ZNF600: variants seen among roughly 807,000 people sequenced by gnomAD.
ZNF600 encodes zinc finger protein 600.
ZNF600 carries 4 observed loss-of-function variants against 7.3 expected under a neutral mutation model. That is an observed-to-expected ratio of 0.55 (90% confidence interval 0.27 to 1.25). The LOEUF is 1.25. Ranked by LOEUF, ZNF600 falls within the 50% of genes most tolerant of loss-of-function variation. ZNF600 has a pLI of 0.12. For synonymous variants in ZNF600, 290 were observed against 308.9 expected (o/e 0.94, Z 0.64); for missense variants, 911 against 922.1 (o/e 0.99, Z 0.16).
the ZNF600 span, among the ~76,000 whole-genome samples, chr19:52,793,764 CCACACACACACACACACA>C: frequency 5.5e-3 from 764 of 138,828 alleles, 7 homozygotes; most frequent in African/African-American, 0.016. Context: ...CCAAACTCTG[CCACACACACACACACACA>C]CACACACACA....
chr19:52,810,320 T>G, the ZNF600 span: 1 of 1,595,914 alleles, frequency 6.3e-7, no homozygotes, highest in African/African-American at 1.3e-5. Flanking sequence ...CCATCAATGC[T>G]GGCAATGTGG....
upstream of ZNF600, among the ~76,000 whole-genome samples, chr19:52,786,946 T>G (rs2062769759): frequency 1.3e-5 from 2 of 152,214 alleles, no homozygotes; most frequent in South Asian, 4.1e-4. Flanking sequence ...TTCGAGTTTT[T>G]GGAGGCGACA....
the ZNF600 span, among the ~76,000 whole-genome samples, chr19:52,792,853 C>T: frequency 2.2e-4 from 34 of 152,128 alleles, 1 homozygote; most frequent in South Asian, 5.8e-3. Context: ...CTGCCTCAGC[C>T]TCCCGAGTAG....
At chr19:52,800,187 C>T in the ZNF600 span, 8 of 1,613,476 alleles carry the variant, frequency 5.0e-6, no homozygotes, top group East Asian at 2.2e-5. Context: ...ACATTCTTCA[C>T]ATTTGTACGG....
At chr19:52,767,517 T>C (rs1401166611) in exon 4 of ZNF600, 2 of 1,614,064 alleles carry the variant, frequency 1.2e-6, no homozygotes, top group African/African-American at 1.3e-5. Context: ...AATAGGCTTG[T>C]TTCCAGCATG....
At chr19:52,785,956 C>A (rs1420379041) in intron 1 of ZNF600, among the ~76,000 whole-genome samples, 1 of 152,124 alleles carries the variant, frequency 6.6e-6, no homozygotes, top group Admixed American at 6.6e-5. Flanking sequence ...TGTCTCTTGG[C>A]AAATTCCTAA....
the ZNF600 span, chr19:52,817,950 A>T: frequency 1.2e-6 from 2 of 1,610,876 alleles, no homozygotes; most frequent in South Asian, 1.1e-5. Context: ...TCACCTGAGG[A>T]AGAGCCATCC....
Position 52,782,780 on chromosome 19 carries a change from A to G in ZNF600, c.-20+3815T>C, listed in dbSNP as rs371941084. Reference sequence around the variant, plus strand: ...AATCCCAGCTGCTCGGGAGGCTGAGACAGAGCACTGCTTGAACCCGAGAGC... The same window carrying G: ...AATCCCAGCTGCTCGGGAGGCTGAGGCAGAGCACTGCTTGAACCCGAGAGC... On this transcript the variant is annotated intron_variant, in intron 1 of 3. Coordinates refer to ENST00000648973, the Ensembl canonical transcript of ZNF600. 3.0e-4 allele frequency among the ~76,000 whole-genome samples: 46 copies of G among 152,066 alleles called. No homozygotes were observed. The East Asian group carries it at 5.6e-3, about 19-fold the overall frequency.
chr19:52,809,173 A>T, the ZNF600 span, among the ~76,000 whole-genome samples: 5 of 152,312 alleles, frequency 3.3e-5, no homozygotes, highest in East Asian at 5.8e-4. Context: ...GATCTAAGAA[A>T]ATGGAAATGC....
chr19:52,817,420 T>C, the ZNF600 span, among the ~76,000 whole-genome samples: 22 of 152,276 alleles, frequency 1.4e-4, no homozygotes, highest in South Asian at 1.5e-3. Context: ...TATTCATCTA[T>C]GTATGAACAT....
At chr19:52,786,715 G>A in exon 1 of ZNF600, 3 of 358,334 alleles carry the variant, frequency 8.4e-6, no homozygotes, top group Non-Finnish European at 1.8e-5. Context: ...TTAATCCAAG[G>A]CAGAGCAAAA....
the ZNF600 span, chr19:52,801,314 G>C: frequency 1.2e-6 from 2 of 1,614,060 alleles, no homozygotes; most frequent in Non-Finnish European, 1.7e-6. Context: ...AAATTCTTTG[G>C]GATGTTGAAA....
intron 2 of ZNF600, among the ~76,000 whole-genome samples, chr19:52,777,624 G>C (rs1168662138): frequency 1.3e-5 from 2 of 152,164 alleles, no homozygotes; most frequent in Non-Finnish European, 2.9e-5. Context: ...GAGGTCAGGA[G>C]TTCGAGACCA....
the ZNF600 span, chr19:52,814,536 G>A: frequency 1.4e-5 from 2 of 146,324 alleles, 1 homozygote; most frequent in Non-Finnish European, 3.0e-5. Context: ...AGAGGCTGCA[G>A]TGATCCGACA....
At chr19:52,795,053 A>T in the ZNF600 span, among the ~76,000 whole-genome samples, 1 of 152,218 alleles carries the variant, frequency 6.6e-6, no homozygotes, top group East Asian at 1.9e-4. Flanking sequence ...AAGCAGCGGT[A>T]CAAATGAGAT....
chr19:52,812,272 C>T, the ZNF600 span, among the ~76,000 whole-genome samples: 2 of 139,550 alleles, frequency 1.4e-5, 1 homozygote, highest in Admixed American at 1.4e-4. Context: ...GTGTGCCCAG[C>T]GGCTCATTGA....
chr19:52,768,088 G>A (rs924037749), intron 3 of ZNF600, among the ~76,000 whole-genome samples: 5 of 151,486 alleles, frequency 3.3e-5, no homozygotes, highest in African/African-American at 4.9e-5. Flanking sequence ...ACATATCACT[G>A]TCACATCAAT....
chr19:52,809,791 C>A, the ZNF600 span: 59 of 502,294 alleles, frequency 1.2e-4, no homozygotes, highest in Non-Finnish European at 2.0e-4. Flanking sequence ...GGTGACAGAG[C>A]GAAAAAAAAG....
At chr19:52,813,179 G>T in the ZNF600 span, among the ~76,000 whole-genome samples, 312 of 146,094 alleles carry the variant, frequency 2.1e-3, no homozygotes, top group African/African-American at 7.4e-3. Context: ...TCTGCTCAGT[G>T]GAGCAATTTA....
Sources: gnomAD v4.1 joint callset for allele counts (sites outside exome capture counted in the v4.1 genomes callset) on GRCh38, gnomAD v4.1.1 for gene constraint, MANE v1.5 for transcripts, NCBI Gene and HGNC (gene_info 2026-07-23, HGNC 2026-07-21) for gene names.